PKHD1: variants seen among roughly 807,000 people sequenced by gnomAD.
PKHD1 encodes fibrocystin.
A neutral mutation model predicts 412.0 loss-of-function variants in PKHD1; 291 were observed. The ratio of observed to expected loss-of-function variants is 0.71; its 90% confidence interval spans 0.64 to 0.78. The LOEUF is 0.78. Among genes scored for constraint, PKHD1 ranks in the 30% least tolerant of loss-of-function variants. The pLI is 0.00. For missense variants in PKHD1, 4,825 were observed against 4,950.7 expected, an observed-to-expected ratio of 0.97 and a Z score of 0.76; for synonymous variants, 1,777 against 1,821.5, an observed-to-expected ratio of 0.98 and a Z score of 0.62.
At chr6:51,924,580 G>A (rs9349609) in intron 37 of PKHD1, among the ~76,000 whole-genome samples, 57,203 of 152,026 alleles carry the variant, frequency 0.38, 11,648 homozygotes, top group East Asian at 0.76. Flanking sequence ...CAACTAGAAA[G>A]TAAGTTTAAA....
At chr6:51,881,835 C>A (rs1022271937) in intron 46 of PKHD1, among the ~76,000 whole-genome samples, 1 of 152,120 alleles carries the variant, frequency 6.6e-6, no homozygotes, top group Admixed American at 6.5e-5. Flanking sequence ...TCCCCTAGAA[C>A]AAAACTGTTT....
In PKHD1 at chr6:51,959,978, A is replaced by G; in HGVS notation, c.5800T>C (p.Trp1934Arg). 1.2e-6 allele frequency: 2 copies of G among 1,613,554 alleles called. No homozygotes were observed. The highest frequency in any genetic ancestry group is 1.7e-6 in the Non-Finnish European group (2 of 1,179,626). Reference sequence around the variant, plus strand: ...TCTTGTGGCAGCCTTTCAGGAAACCAGCTGTGAGTCCTGGACCATCTCCGG... The same window carrying G: ...TCTTGTGGCAGCCTTTCAGGAAACCGGCTGTGAGTCCTGGACCATCTCCGG... ...FCRRWSRTHS[W>R]FPERLPQDGD... The change falls in exon 36 of 67, where the codon TGG becomes CGG. Residue 1934 changes from tryptophan (W) to arginine (R), a missense_variant. Transcript: ENST00000371117.
intron 66 of PKHD1, among the ~76,000 whole-genome samples, chr6:51,626,792 A>C (rs532262890): frequency 6.6e-6 from 1 of 152,302 alleles, no homozygotes; most frequent in African/African-American, 2.4e-5. Context: ...ATAAATATCA[A>C]TTCAAATAAT....
chr6:52,066,088 TAAA>T lies in PKHD1; in HGVS notation c.779-14_779-12del, dbSNP rs5876252. On this transcript the variant is annotated splice_polypyrimidine_tract_variant and intron_variant, in intron 11 of 66. Transcript: ENST00000371117. The stretch of plus-strand genomic sequence containing the variant: ...ACACAGATAATATTTCTGCAAGAGT[TAAA>T]AAAAAAAAAAAGTAAGCTTCCAAAT... 1.4e-4 allele frequency: 132 copies of T among 958,634 alleles called. No individual in the cohort carries two copies. The highest frequency in any genetic ancestry group is 1.7e-4 in the Non-Finnish European group (107 of 614,212). 59.4% of individuals were successfully genotyped at this position (958,634 alleles called of 1,614,324 possible).
At chr6:51,763,374 A>T (rs1422303248) in intron 55 of PKHD1, among the ~76,000 whole-genome samples, 1 of 152,152 alleles carries the variant, frequency 6.6e-6, no homozygotes, top group African/African-American at 2.4e-5. Flanking sequence ...GATAGTTTTA[A>T]TTAATAAAAT....
Position 51,870,566 on chromosome 6 carries a change from A to G in PKHD1, c.7424T>C (p.Val2475Ala). 1 of 1,611,154 alleles carries G rather than the reference A, an allele frequency of 6.2e-7. No individual in the cohort carries two copies. Residue 2475 changes from valine (V) to alanine (A), a missense_variant, in exon 47 of 67, where the codon GTT (valine) becomes GCT (alanine). Transcript: ENST00000371117. ...CACACAGTTGATGAGATCAAAATTA[A>G]CAAAGGTTGTGTTAGACACCATCAG... is the stretch of plus-strand genomic sequence containing the variant. Reference protein sequence around the residue: ...WELMVSNTTFVNFDLINCVAI... With the variant: ...WELMVSNTTFANFDLINCVAI...
At chr6:51,635,130 A>C (rs1768363294) in intron 64 of PKHD1, among the ~76,000 whole-genome samples, 3 of 152,030 alleles carry the variant, frequency 2.0e-5, no homozygotes, top group Admixed American at 2.0e-4. Flanking sequence ...GGGTATTGCT[A>C]TGTTTTCCAG....
intron 60 of PKHD1, among the ~76,000 whole-genome samples, chr6:51,716,679 C>T (rs1305504627): frequency 6.8e-6 from 1 of 146,846 alleles, no homozygotes; most frequent in African/African-American, 2.7e-5. Context: ...TTCCATTGGA[C>T]TCAGGGATTG....
chr6:51,945,879 T>C (rs947125778), intron 36 of PKHD1, among the ~76,000 whole-genome samples: 9 of 152,200 alleles, frequency 5.9e-5, no homozygotes, highest in African/African-American at 2.2e-4. Flanking sequence ...TGCACAAACC[T>C]TCCCCAGTAG....
At chr6:52,008,780 A>G (rs1799420217) in intron 35 of PKHD1, among the ~76,000 whole-genome samples, 1 of 152,124 alleles carries the variant, frequency 6.6e-6, no homozygotes, top group Non-Finnish European at 1.5e-5. Flanking sequence ...CAGATGAGAA[A>G]ACTGAAGTAC....
intron 20 of PKHD1, 122 bp downstream of exon 20, chr6:52,053,916 C>A: frequency 1.0e-6 from 1 of 995,536 alleles, no homozygotes; most frequent in Non-Finnish European, 1.6e-6. Context: ...ATTCAAATCC[C>A]CAAATTAGTG....
Position 51,733,067 on chromosome 6 carries a change from T to C in PKHD1, c.10156+11318A>G, listed in dbSNP as rs1783416183. Among the ~76,000 whole-genome samples the C allele has an allele frequency of 2.6e-5, 4 of 152,268 alleles. No individual in the cohort carries two copies. The South Asian group carries it at 8.3e-4, about 32-fold the overall frequency. ...AGGTACTTAAGGGTAGTCAAAATCA[T>C]AGACCCAGAGAGTGGAATGTTGGTT... On this transcript the variant is annotated intron_variant, in intron 60 of 66. Transcript: ENST00000371117.
rs186096927 is a variant in PKHD1, at chr6:52,054,017, G to A, written c.1964+21C>T. The A allele has an allele frequency of 3.9e-5, 63 of 1,613,134 alleles. 1 individual carries two copies. Among genetic ancestry groups the A allele is most frequent in the Middle Eastern group, 3.3e-4 (2 of 6,036 alleles). On this transcript the variant is annotated intron_variant, in intron 20 of 66. Coordinates refer to ENST00000371117, the MANE Select transcript of PKHD1 (RefSeq NM_138694.4). ...TCCCAGCTGACTGAATTCCCACCAC[G>A]CCTCCCCACCGATTAGCTACCTCTC...
intron 60 of PKHD1, among the ~76,000 whole-genome samples, chr6:51,688,800 G>A (rs1249912406): frequency 6.6e-6 from 1 of 152,070 alleles, no homozygotes; most frequent in Non-Finnish European, 1.5e-5. Context: ...GCTAAACCAG[G>A]AAGAAATTGA....
intron 36 of PKHD1, among the ~76,000 whole-genome samples, chr6:51,942,507 G>A (rs938593573): frequency 6.6e-6 from 1 of 151,448 alleles, no homozygotes; most frequent in Non-Finnish European, 1.5e-5. Flanking sequence ...TCCTTCAGCT[G>A]TACTCACTTT....
chr6:51,787,582 C>A (rs1279075779), intron 53 of PKHD1, among the ~76,000 whole-genome samples: 1 of 152,096 alleles, frequency 6.6e-6, no homozygotes, highest in Non-Finnish European at 1.5e-5. Context: ...CCTTCAGGCA[C>A]AATACACATA....
At chr6:51,825,867 G>A (rs371659989) in intron 52 of PKHD1, among the ~76,000 whole-genome samples, 1 of 151,932 alleles carries the variant, frequency 6.6e-6, no homozygotes, top group Non-Finnish European at 1.5e-5. Flanking sequence ...AGAATAAGTG[G>A]GGTGGTGGGC....
At position 52,071,010 on chromosome 6, in the gene PKHD1, G is replaced by A. The variant is rs746417768; in HGVS notation, c.663C>T (p.Tyr221=). ...GTLQCHVEGD[Y]IGSQNVSFSV... ...TATGTTACTTCTCTAACAGACCGATGTAGTCGCCTTCCACATGGCACTGCA... is the reference window on the plus strand; with the variant it reads ...TATGTTACTTCTCTAACAGACCGATATAGTCGCCTTCCACATGGCACTGCA... Residue 221 remains tyrosine, a synonymous_variant, in exon 9 of 67, where the codon TAC becomes TAT. Transcript: ENST00000371117. 1.3e-6 allele frequency: 2 copies of A among 1,585,198 alleles called. No individual in the cohort carries two copies. The highest frequency in any genetic ancestry group is 4.5e-5 in the East Asian group (2 of 44,664).
chr6:51,921,955 C>G (rs192434552), intron 37 of PKHD1, among the ~76,000 whole-genome samples: 1 of 152,294 alleles, frequency 6.6e-6, no homozygotes, highest in Admixed American at 6.5e-5. Flanking sequence ...CATTCTCCAT[C>G]CAGCTTTGTT....
Sources: allele counts gnomAD v4.1 joint callset (sites outside exome capture counted in the v4.1 genomes callset), GRCh38; gene constraint gnomAD v4.1.1; transcripts MANE v1.5; gene names NCBI Gene and HGNC (gene_info 2026-07-23, HGNC 2026-07-21).